TSSK1B: variants seen among roughly 807,000 people sequenced by gnomAD.
The protein encoded by TSSK1B is testis-specific serine/threonine-protein kinase 1.
In TSSK1B, 2 loss-of-function variants were observed where a neutral mutation model predicts 4.0. The observed-to-expected ratio is 0.50, with a 90% CI of 0.20 to 1.57. The LOEUF is 1.57. Ranked by LOEUF, TSSK1B falls within the 40% of genes most tolerant of loss-of-function variation. The pLI, the probability that TSSK1B is intolerant of heterozygous loss-of-function variation, is 0.22. For synonymous variants in TSSK1B, 198 were observed against 200.7 expected (o/e 0.99, Z 0.11); for missense variants, 488 against 495.1 (o/e 0.99, Z 0.14).
In TSSK1B at chr5:113,434,002, G is replaced by T. The variant is rs201452729; in HGVS notation, c.838C>A (p.Pro280Thr). 15 of 1,614,050 alleles carry T rather than the reference G, an allele frequency of 9.3e-6. No individual in the cohort carries two copies. In the East Asian group the frequency reaches 3.3e-4, roughly 36 times the overall value. ...CCCTCCTTGTTGATGGCCACAGAGG[G>T]AGATCCCCGTGCCTTGGGCTGCATC... ...CWMQPKARGS[P>T]SVAINKEGES... Residue 280 changes from proline to threonine, a missense_variant, in exon 1 of 1, where the codon CCC becomes ACC. Transcript: ENST00000390666. The surrounding 1 kb of genome is among the most constrained non-coding windows in gnomAD (Gnocchi z 4.2).
In TSSK1B at chr5:113,434,844, C is replaced by T; in HGVS notation, c.-5G>A. 6.2e-7 allele frequency: 1 copy of T among 1,600,760 alleles called. No individual in the cohort carries two copies. The highest frequency in any genetic ancestry group is 8.5e-7 in the Non-Finnish European group (1 of 1,171,632). On this transcript the variant is annotated 5_prime_UTR_variant, in exon 1 of 1. An upstream open reading frame in the 5' UTR gains an earlier in-frame stop. Transcript: ENST00000390666. This position sits in a 1 kb window ranked among gnomAD's most constrained non-coding sequence, Gnocchi z 4.2. ...GAGGACAGCAGCGTCATCCATGGTG[C>T]CAGGAATGCCCAGTGCCTCTGAGGC...
rs941426054 is a variant in TSSK1B, at chr5:113,432,573, T to C, written c.*1163A>G. On this transcript the variant is annotated 3_prime_UTR_variant, in exon 1 of 1. Coordinates refer to ENST00000390666, the MANE Select transcript of TSSK1B (RefSeq NM_032028.4). ...CCTAATGAAGTTGTATTATTCTCATTTTATAGATAAAGAAACTGAGACATA... is the reference window on the plus strand; with the variant it reads ...CCTAATGAAGTTGTATTATTCTCATCTTATAGATAAAGAAACTGAGACATA... 12 of 152,190 alleles carry C rather than the reference T, an allele frequency of 7.9e-5. No individual in the cohort carries two copies. Among genetic ancestry groups the C allele is most frequent in the Admixed American group, 7.2e-4 (11 of 15,286 alleles). 9.4% of individuals were successfully genotyped at this position (152,190 alleles called of 1,614,324 possible).
chr5:113,433,981 C>T lies in TSSK1B; in HGVS notation c.859G>A (p.Glu287Lys), dbSNP rs376961614. ...RGSPSVAINK[E>K]GESSRGTEPL... Reference sequence around the variant, plus strand: ...TCAGTTCCCCGGGAACTCTCCCCCTCCTTGTTGATGGCCACAGAGGGAGAT... The same window carrying T: ...TCAGTTCCCCGGGAACTCTCCCCCTTCTTGTTGATGGCCACAGAGGGAGAT... The change falls in exon 1 of 1, where the codon GAG becomes AAG. Residue 287 changes from glutamate (E) to lysine (K), a missense_variant. Coordinates refer to ENST00000390666, the MANE Select transcript of TSSK1B (RefSeq NM_032028.4). The T allele has an allele frequency of 6.2e-7, 1 of 1,614,050 alleles. No homozygotes were observed. Among genetic ancestry groups the T allele is most frequent in the South Asian group, 1.1e-5 (1 of 91,082 alleles).
rs77802290 is a variant in TSSK1B, at chr5:113,432,601, G to A, written c.*1135C>T. ...ATAGATAAAGAAACTGAGACATATA[G>A]ATTAACCAACTTGCCCAAGATCATT... On this transcript the variant is annotated 3_prime_UTR_variant, in exon 1 of 1. Transcript: ENST00000390666. The A allele has an allele frequency of 6.6e-6, 1 of 152,124 alleles. No homozygotes were observed. Among genetic ancestry groups the A allele is most frequent in the Non-Finnish European group, 1.5e-5 (1 of 68,032 alleles). 9.4% of individuals were successfully genotyped at this position (152,124 alleles called of 1,614,324 possible).
rs1424321131 is a variant in TSSK1B, at chr5:113,433,531, T to TCATGTCC, written c.*204_*205insGGACATG. 6.5e-5 allele frequency: 42 copies of TCATGTCC among 645,496 alleles called. No individual in the cohort carries two copies. In the African/African-American group the frequency reaches 7.3e-4, roughly 11 times the overall value. 40.0% of individuals were successfully genotyped at this position (645,496 alleles called of 1,614,324 possible). On this transcript the variant is annotated 3_prime_UTR_variant, in exon 1 of 1. Coordinates refer to ENST00000390666, the MANE Select transcript of TSSK1B (RefSeq NM_032028.4). ...GGGGAGTAGGAGTCGCACGACTGTC[T>TCATGTCC]CAGCCTTGGATTTGACTTTGGCCTC...
rs775591445 is a variant in TSSK1B, at chr5:113,433,979, C to T, written c.861G>A (p.Glu287=). 8.7e-6 allele frequency: 14 copies of T among 1,613,912 alleles called. No individual in the cohort carries two copies. In the African/African-American group the frequency reaches 1.5e-4, roughly 17 times the overall value. Residue 287 remains glutamate, a synonymous_variant, in exon 1 of 1, where the codon GAG becomes GAA. Transcript: ENST00000390666. ...RGSPSVAINK[E]GESSRGTEPL... ...GTTCAGTTCCCCGGGAACTCTCCCC[C>T]TCCTTGTTGATGGCCACAGAGGGAG...
In TSSK1B at chr5:113,434,108, C is replaced by G; in HGVS notation, c.732G>C (p.Glu244Asp). 6.2e-7 allele frequency: 1 copy of G among 1,614,212 alleles called. No individual in the cohort carries two copies. Among genetic ancestry groups the G allele is most frequent in the South Asian group, 1.1e-5 (1 of 91,086 alleles). Reference sequence around the variant, plus strand: ...GCATGTGGTAGATGAGGTCCTTGCACTCGCCTGTCAGGTGCTTGGAGCGTG... The same window carrying G: ...GCATGTGGTAGATGAGGTCCTTGCAGTCGCCTGTCAGGTGCTTGGAGCGTG... ...NFPRSKHLTGECKDLIYHMLQ... is the reference protein window; with the variant it reads ...NFPRSKHLTGDCKDLIYHMLQ... The change falls in exon 1 of 1, where the codon GAG (glutamate) becomes GAC (aspartate). Residue 244 changes from glutamate to aspartate, a missense_variant. By Grantham distance (45) the Glu-to-Asp change is conservative. Coordinates refer to ENST00000390666, the MANE Select transcript of TSSK1B (RefSeq NM_032028.4). This position sits in a 1 kb window ranked among gnomAD's most constrained non-coding sequence, Gnocchi z 4.2.
chr5:113,433,907 C>T lies in TSSK1B; in HGVS notation c.933G>A (p.Lys311=), dbSNP rs1332155285. 1.2e-6 allele frequency: 2 copies of T among 1,613,894 alleles called. No homozygotes were observed. The highest frequency in any genetic ancestry group is 2.7e-5 in the African/African-American group (2 of 74,944). ...EPGSDKKSAT[K]LEPEGEAQPQ... is the part of the protein sequence containing the mutation. ...GCTGTGCCTCTCCCTCAGGCTCCAG[C>T]TTGGTGGCAGACTTCTTGTCAGAGC... is the stretch of plus-strand genomic sequence containing the variant. The change falls in exon 1 of 1, where the codon AAG becomes AAA. Residue 311 remains lysine, a synonymous_variant. Transcript: ENST00000390666.
At position 113,434,010 on chromosome 5, in the gene TSSK1B, C is replaced by G. The variant is rs373083123; in HGVS notation, c.830G>C (p.Arg277Pro). The part of the protein sequence containing the change: ...LSHCWMQPKA[R>P]GSPSVAINKE... ...GTTGATGGCCACAGAGGGAGATCCCCGTGCCTTGGGCTGCATCCAGCAGTG... is the reference window on the plus strand; with the variant it reads ...GTTGATGGCCACAGAGGGAGATCCCGGTGCCTTGGGCTGCATCCAGCAGTG... Residue 277 changes from arginine (R) to proline (P), a missense_variant, in exon 1 of 1, where the codon CGG becomes CCG. Coordinates refer to ENST00000390666, the MANE Select transcript of TSSK1B (RefSeq NM_032028.4). This position sits in a 1 kb window ranked among gnomAD's most constrained non-coding sequence, Gnocchi z 4.2. 1.2e-6 allele frequency: 2 copies of G among 1,613,986 alleles called. No homozygotes were observed. Among genetic ancestry groups the G allele is most frequent in the South Asian group, 2.2e-5 (2 of 91,070 alleles).
At position 113,434,001 on chromosome 5, in the gene TSSK1B, G is replaced by C; in HGVS notation, c.839C>G (p.Pro280Arg). Residue 280 changes from proline (P) to arginine (R), a missense_variant, in exon 1 of 1, where the codon CCC (proline) becomes CGC (arginine). By Grantham distance (103) the Pro-to-Arg change is moderately radical (BLOSUM62 -2). Transcript: ENST00000390666. The surrounding 1 kb of genome is among the most constrained non-coding windows in gnomAD (Gnocchi z 4.2). ...CWMQPKARGS[P>R]SVAINKEGES... is the part of the protein sequence containing the mutation. ...CCCCTCCTTGTTGATGGCCACAGAGGGAGATCCCCGTGCCTTGGGCTGCAT... is the reference window on the plus strand; with the variant it reads ...CCCCTCCTTGTTGATGGCCACAGAGCGAGATCCCCGTGCCTTGGGCTGCAT... 1 of 1,614,022 alleles carries C rather than the reference G, an allele frequency of 6.2e-7. No homozygotes were observed. The highest frequency in any genetic ancestry group is 8.5e-7 in the Non-Finnish European group (1 of 1,179,892).
In TSSK1B at chr5:113,433,333, G is replaced by T; in HGVS notation, c.*403C>A. ...TCTGGCCCGGTCTGGCCTCCCAGCA[G>T]GGTCACGCAACTGCCCCGGGGACGA... On this transcript the variant is annotated 3_prime_UTR_variant, in exon 1 of 1. Coordinates refer to ENST00000390666, the MANE Select transcript of TSSK1B (RefSeq NM_032028.4). 1 of 344,076 alleles carries T rather than the reference G, an allele frequency of 2.9e-6. No homozygotes were observed. The highest frequency in any genetic ancestry group is 5.7e-6 in the Non-Finnish European group (1 of 175,234). 21.3% of individuals were successfully genotyped at this position (344,076 alleles called of 1,614,324 possible). A position where few individuals can be genotyped will look rare whatever the true frequency, so the allele number is the denominator to read the frequency against.
chr5:113,433,847 T>G lies in TSSK1B; in HGVS notation c.993A>C (p.Thr331=). 1 of 1,614,056 alleles carries G rather than the reference T, an allele frequency of 6.2e-7. No individual in the cohort carries two copies. ...QAQPETKPEG[T]AMQMSRQSEI... ...CCGACTGCCTGGACATTTGCATTGC[T>G]GTCCCCTCGGGTTTTGTCTCAGGCT... is the stretch of plus-strand genomic sequence containing the variant. Residue 331 remains threonine, a synonymous_variant, in exon 1 of 1, where the codon ACA becomes ACC. Transcript: ENST00000390666.
rs1335704915 is a variant in TSSK1B, at chr5:113,433,565, A to G, written c.*171T>C. 2.4e-6 allele frequency: 2 copies of G among 839,890 alleles called. No homozygotes were observed. Among genetic ancestry groups the G allele is most frequent in the Non-Finnish European group, 3.6e-6 (2 of 550,696 alleles). The allele number at this position is 839,890 out of a possible 1,614,324, so 52.0% of individuals were successfully genotyped here. A position where few individuals can be genotyped will look rare whatever the true frequency, so the allele number is the denominator to read the frequency against. On this transcript the variant is annotated 3_prime_UTR_variant, in exon 1 of 1. Transcript: ENST00000390666. ...GATTTGACTTTGGCCTCATCCACCT[A>G]GGGGCCACGGGAGAACCATGTGGGT...
Position 113,434,973 on chromosome 5 carries a change from G to T in TSSK1B, c.-134C>A. The T allele has an allele frequency of 1.8e-6, 2 of 1,109,946 alleles. No individual in the cohort carries two copies. The highest frequency in any genetic ancestry group is 2.5e-6 in the Non-Finnish European group (2 of 785,820). 68.8% of individuals were successfully genotyped at this position (1,109,946 alleles called of 1,614,324 possible). On this transcript the variant is annotated 5_prime_UTR_variant, in exon 1 of 1. Coordinates refer to ENST00000390666, the MANE Select transcript of TSSK1B (RefSeq NM_032028.4). This position sits in a 1 kb window ranked among gnomAD's most constrained non-coding sequence, Gnocchi z 4.2. ...AGGCCTGCTGTTCCTGCCTCCTAGA[G>T]GCCAAGACTCTGGAGTGGAACATTT...
Position 113,433,423 on chromosome 5 carries a change from G to T in TSSK1B, c.*313C>A. The T allele has an allele frequency of 5.1e-6, 3 of 587,764 alleles. No individual in the cohort carries two copies. The highest frequency in any genetic ancestry group is 6.4e-6 in the Non-Finnish European group (2 of 314,006). The allele number at this position is 587,764 out of a possible 1,614,324, so 36.4% of individuals were successfully genotyped here. On this transcript the variant is annotated 3_prime_UTR_variant, in exon 1 of 1. Transcript: ENST00000390666. ...CCTTCCTGCTGCTCTTCCTGCTCTT[G>T]CTGTCACTGAGCCGTTGCGGCCAGT...
Position 113,433,793 on chromosome 5 carries a change from C to G in TSSK1B, c.1047G>C (p.Ser349=), listed in dbSNP as rs775513009. 1.2e-6 allele frequency: 2 copies of G among 1,613,778 alleles called. No individual in the cohort carries two copies. The highest frequency in any genetic ancestry group is 2.7e-5 in the African/African-American group (2 of 74,934). The change falls in exon 1 of 1, where the codon TCG becomes TCC. Residue 349 remains serine (S), a synonymous_variant. Coordinates refer to ENST00000390666, the MANE Select transcript of TSSK1B (RefSeq NM_032028.4). The part of the protein sequence containing the change: ...SEILGFPSKP[S]TMETEEGPPQ... ...GGGGCCCTTCCTCTGTCTCCATAGT[C>G]GACGGCTTGCTGGGGAAACCCAGGA...
Position 113,433,362 on chromosome 5 carries a change from AAGG to A in TSSK1B, c.*371_*373del. On this transcript the variant is annotated 3_prime_UTR_variant, in exon 1 of 1. Transcript: ENST00000390666. ...CACGCAACTGCCCCGGGGACGATGA[AAGG>A]AGGATAAATGGTGCCCAAGGTGGAC... 1 of 435,526 alleles carries A rather than the reference AAGG, an allele frequency of 2.3e-6. No homozygotes were observed. The allele number at this position is 435,526 out of a possible 1,614,324, so 27.0% of individuals were successfully genotyped here.
Position 113,434,602 on chromosome 5 carries a change from C to CA in TSSK1B, c.237dup (p.Glu80Ter). 1 of 1,613,858 alleles carries CA rather than the reference C, an allele frequency of 6.2e-7. No homozygotes were observed. Among genetic ancestry groups the CA allele is most frequent in the Non-Finnish European group, 8.5e-7 (1 of 1,179,882 alleles). On this transcript the variant is annotated frameshift_variant, in exon 1 of 1. Transcript: ENST00000390666. LOFTEE classifies it low-confidence loss of function (END_TRUNC). The surrounding 1 kb of genome is among the most constrained non-coding windows in gnomAD (Gnocchi z 4.2). ...ATGTAGACCTTGCCATGTGATGTCT[C>CA]AAAGATCTCGTAGGTCTTAATGATG...
chr5:113,433,470 G>T lies in TSSK1B; in HGVS notation c.*266C>A. 1 of 613,308 alleles carries T rather than the reference G, an allele frequency of 1.6e-6. No individual in the cohort carries two copies. Among genetic ancestry groups the T allele is most frequent in the Non-Finnish European group, 2.9e-6 (1 of 343,036 alleles). The allele number at this position is 613,308 out of a possible 1,614,324, so 38.0% of individuals were successfully genotyped here. On this transcript the variant is annotated 3_prime_UTR_variant, in exon 1 of 1. Transcript: ENST00000390666. ...CAGTGGGGACCCTCTGCTGAGACAG[G>T]CTCTGTGTCCAGCACCTGCTCCGGG...
Sources: allele counts gnomAD v4.1 joint callset, GRCh38; gene constraint gnomAD v4.1.1; non-coding constraint Gnocchi (gnomAD v3.1); transcripts MANE v1.5; gene names NCBI Gene and HGNC (gene_info 2026-07-23, HGNC 2026-07-21).